MTA3: variants seen among roughly 807,000 people sequenced by gnomAD.
MTA3 encodes the protein metastasis associated 1 family member 3.
A neutral mutation model predicts 83.5 loss-of-function variants in MTA3; 34 were observed. The observed-to-expected ratio is 0.41, with a 90% CI of 0.31 to 0.54. The LOEUF is 0.54. MTA3 is among the 20% of genes least tolerant of loss of function. The pLI is 0.33. For missense variants in MTA3, 761 were observed against 726.4 expected (o/e 1.05, Z -0.55); for synonymous variants, 303 against 252.7 (o/e 1.20, Z -1.89).
At chr2:42,611,343 C>A (rs370810388) in intron 4 of MTA3, among the ~76,000 whole-genome samples, 2 of 45,314 alleles carry the variant, frequency 4.4e-5, no homozygotes, top group African/African-American at 1.1e-4. Flanking sequence ...ACACACACCC[C>A]CTCACACACA....
chr2:42,551,863 AT>A (rs1201176709), intron 2 of MTA3, among the ~76,000 whole-genome samples: 2 of 151,876 alleles, frequency 1.3e-5, no homozygotes, highest in African/African-American at 4.8e-5. Flanking sequence ...AGTAGCTGGG[AT>A]TACAGGCACC....
At chr2:42,669,270 A>G (rs1690579894) in intron 8 of MTA3, among the ~76,000 whole-genome samples, 1 of 151,972 alleles carries the variant, frequency 6.6e-6, no homozygotes, top group African/African-American at 2.4e-5. Context: ...TTTAGCAGAG[A>G]TGGGCTTTTC....
At chr2:42,625,712 A>T (rs1686007664) in intron 4 of MTA3, among the ~76,000 whole-genome samples, 1 of 142,590 alleles carries the variant, frequency 7.0e-6, no homozygotes, top group African/African-American at 2.7e-5. Flanking sequence ...ACGCCACTGC[A>T]CTCTAGCCTG....
intron 4 of MTA3, among the ~76,000 whole-genome samples, chr2:42,615,268 T>C (rs1441108180): frequency 6.6e-6 from 1 of 151,948 alleles, no homozygotes; most frequent in East Asian, 1.9e-4. Context: ...TTCTTTTTTT[T>C]TTTTTTAATG....
intron 3 of MTA3, among the ~76,000 whole-genome samples, chr2:42,593,244 T>C (rs1173384334): frequency 6.6e-6 from 1 of 150,786 alleles, no homozygotes; most frequent in Non-Finnish European, 1.5e-5. Context: ...CTCAGCCCTT[T>C]GGGAGGCCGA....
At chr2:42,696,449 T>G (rs1693395431) in intron 10 of MTA3, among the ~76,000 whole-genome samples, 1 of 152,204 alleles carries the variant, frequency 6.6e-6, no homozygotes, top group Non-Finnish European at 1.5e-5. Context: ...CACATTTTCC[T>G]GAAATGACAT....
chr2:42,494,327 G>A (rs1248256723), upstream of MTA3, among the ~76,000 whole-genome samples: 1 of 152,160 alleles, frequency 6.6e-6, no homozygotes. Context: ...CAGTCCCCAG[G>A]GCCCCTTTTA....
At chr2:42,733,352 A>G (rs1404758395) in intron 16 of MTA3, among the ~76,000 whole-genome samples, 1 of 152,224 alleles carries the variant, frequency 6.6e-6, no homozygotes, top group African/African-American at 2.4e-5. Context: ...CTTTTTCACT[A>G]TCATGAGAAT....
chr2:42,709,131 G>A, intron 14 of MTA3, 35 bp downstream of exon 14: 1 of 1,547,460 alleles, frequency 6.5e-7, no homozygotes, highest in East Asian at 2.4e-5. Context: ...CTTATATGTT[G>A]TGCTTCTGAC....
rs1396635284 is a variant in MTA3, at chr2:42,754,610, A to G, written c.*1211A>G. 10 of 984,996 alleles carry G rather than the reference A, an allele frequency of 1.0e-5. No homozygotes were observed. Among genetic ancestry groups the G allele is most frequent in the Admixed American group, 6.2e-5 (1 of 16,222 alleles). The allele number at this position is 984,996 out of a possible 1,614,324, so 61.0% of individuals were successfully genotyped here. On this transcript the variant is annotated 3_prime_UTR_variant, in exon 17 of 17. Coordinates refer to ENST00000405094, the MANE Select transcript of MTA3 (RefSeq NM_001330442.2). ...TCCCTGAGCAGATGTGAGGCTGGCA[A>G]CTCCCCTGCCCTCTGTTTGCAGGCA...
chr2:42,500,459 G>C (rs111278177), intron 2 of MTA3, among the ~76,000 whole-genome samples: 2,180 of 152,152 alleles, frequency 0.014, 49 homozygotes, highest in African/African-American at 0.049. Context: ...TCAGGAGACT[G>C]AGGCAGGAGA....
At chr2:42,528,994 G>C (rs993690322) in intron 2 of MTA3, among the ~76,000 whole-genome samples, 6 of 152,184 alleles carry the variant, frequency 3.9e-5, no homozygotes, top group African/African-American at 9.7e-5. Context: ...ATTGGTACTG[G>C]AGTAGTTTGT....
intron 14 of MTA3, among the ~76,000 whole-genome samples, chr2:42,710,120 C>G (rs1337309619): frequency 6.6e-6 from 1 of 152,106 alleles, no homozygotes; most frequent in Non-Finnish European, 1.5e-5. Context: ...AAATGTTCCC[C>G]TTTGATTTAA....
chr2:42,520,042 CA>C (rs1023250442), intron 2 of MTA3, among the ~76,000 whole-genome samples: 10 of 151,554 alleles, frequency 6.6e-5, no homozygotes, highest in African/African-American at 2.4e-4. Context: ...GACCTTGTCT[CA>C]AAAAAAATAA....
At chr2:42,508,768 T>C (rs1674757844) in intron 2 of MTA3, among the ~76,000 whole-genome samples, 1 of 147,252 alleles carries the variant, frequency 6.8e-6, no homozygotes, top group East Asian at 1.9e-4. Context: ...TATAGTATTA[T>C]ATAATATATT....
At chr2:42,574,496 C>A (rs1214090352) in intron 2 of MTA3, among the ~76,000 whole-genome samples, 1 of 151,920 alleles carries the variant, frequency 6.6e-6, no homozygotes. Context: ...AGTGCAGTAG[C>A]ATAGATCCTG....
chr2:42,518,478 A>G (rs1278311105), intron 2 of MTA3, among the ~76,000 whole-genome samples: 1 of 152,242 alleles, frequency 6.6e-6, no homozygotes, highest in African/African-American at 2.4e-5. Context: ...ATAACAAAGT[A>G]GTATTGCGTT....
intron 16 of MTA3, among the ~76,000 whole-genome samples, chr2:42,726,205 T>G (rs1561505): frequency 0.54 from 81,661 of 151,356 alleles, 22,444 homozygotes; most frequent in Middle Eastern, 0.67. Flanking sequence ...CCAAACAGAG[T>G]GTTGATGGGC....
chr2:42,593,143 G>C (rs1323663703), intron 3 of MTA3, among the ~76,000 whole-genome samples: 1 of 146,624 alleles, frequency 6.8e-6, no homozygotes, highest in Non-Finnish European at 1.5e-5. Context: ...ACAGAGCAAG[G>C]CTCTGTCTCA....
Sources: allele counts gnomAD v4.1 joint callset (sites outside exome capture counted in the v4.1 genomes callset), GRCh38; gene constraint gnomAD v4.1.1; transcripts MANE v1.5; gene names NCBI Gene and HGNC (gene_info 2026-07-23, HGNC 2026-07-21).